Variants in VPS13B observed in about 807,000 individuals in gnomAD.
VPS13B encodes the protein vacuolar protein sorting 13 homolog B.
A neutral mutation model predicts 426.4 loss-of-function variants in VPS13B; 285 were observed. That is an observed-to-expected ratio of 0.67 (90% CI 0.61 to 0.74). The LOEUF (loss-of-function observed/expected upper bound fraction) is 0.74. Among genes scored for constraint, VPS13B ranks in the 30% least tolerant of loss-of-function variants. The probability of loss-of-function intolerance (pLI) is 0.00; values close to 1 mark genes in which losing one functional copy is unlikely to be tolerated. For synonymous variants in VPS13B, 1,676 were observed against 1,676.4 expected (o/e 1.00, Z 0.01); for missense variants, 4,537 against 4,782.6 (o/e 0.95, Z 1.51).
intron 15 of VPS13B, 61 bp downstream of exon 15, chr8:99,156,804 G>A (rs975903825): frequency 1.9e-6 from 3 of 1,555,848 alleles, no homozygotes; most frequent in Non-Finnish European, 2.6e-6. Flanking sequence ...CATCAGATAA[G>A]TTTCTTTTTT....
chr8:99,494,737 T>C (rs962687216), intron 25 of VPS13B, among the ~76,000 whole-genome samples: 5 of 152,114 alleles, frequency 3.3e-5, no homozygotes, highest in Non-Finnish European at 7.4e-5. Context: ...GAATAAATTT[T>C]CCAATTTATT....
intron 2 of VPS13B, among the ~76,000 whole-genome samples, chr8:99,019,866 T>C (rs1319629564): frequency 6.6e-6 from 1 of 152,234 alleles, no homozygotes; most frequent in East Asian, 1.9e-4. Context: ...CATGCCACAT[T>C]TTGTTCATTC....
chr8:99,285,970 A>T (rs7832780), intron 19 of VPS13B, among the ~76,000 whole-genome samples: 9 of 151,942 alleles, frequency 5.9e-5, no homozygotes, highest in African/African-American at 2.2e-4. Context: ...TTTACTGAGG[A>T]TATTTCTGTT....
chr8:99,413,543 T>C (rs1316668490), intron 21 of VPS13B, among the ~76,000 whole-genome samples: 1 of 152,218 alleles, frequency 6.6e-6, no homozygotes, highest in Non-Finnish European at 1.5e-5. Flanking sequence ...TTTTCGATCT[T>C]TTCTGCTTTC....
chr8:99,366,450 C>G (rs1812894623), intron 19 of VPS13B, among the ~76,000 whole-genome samples: 1 of 151,692 alleles, frequency 6.6e-6, no homozygotes, highest in Admixed American at 6.6e-5. Context: ...TTTTTCCACC[C>G]CTTCATTTTG....
intron 34 of VPS13B, among the ~76,000 whole-genome samples, chr8:99,659,781 T>C (rs1306380877): frequency 1.3e-5 from 2 of 152,218 alleles, no homozygotes; most frequent in African/African-American, 2.4e-5. Context: ...TTAAGATCTG[T>C]GTTTTCTCTA....
intron 43 of VPS13B, 112 bp from the exon 44 acceptor site, chr8:99,809,263 C>G (rs1813575061): frequency 7.2e-7 from 1 of 1,397,390 alleles, no homozygotes; most frequent in African/African-American, 1.4e-5. Flanking sequence ...AGAAAGAAAA[C>G]AGATGCAAAA....
At chr8:99,729,445 A>G (rs1439259910) in intron 39 of VPS13B, among the ~76,000 whole-genome samples, 1 of 152,206 alleles carries the variant, frequency 6.6e-6, no homozygotes, top group Non-Finnish European at 1.5e-5. Flanking sequence ...GTATCCTCTC[A>G]AAATGTAGGT....
intron 7 of VPS13B, chr8:99,120,370 AG>A (rs1369718480): frequency 6.6e-6 from 1 of 152,178 alleles, no homozygotes; most frequent in Non-Finnish European, 1.5e-5. Context: ...ATTTTTAAAA[AG>A]TAATTTTTTT....
Position 99,074,837 on chromosome 8 carries a change from A to G in VPS13B, c.292-21475A>G, listed in dbSNP as rs573495117. Among the ~76,000 whole-genome samples the G allele has an allele frequency of 1.9e-4, 29 of 152,026 alleles. No individual in the cohort carries two copies. In the East Asian group the frequency reaches 3.9e-3, roughly 20 times the overall value. ...TTTTTGGTAGAAACAGGGTTTCACC[A>G]TGTTGGTCAGGCTGGTCTCGAACTC... On this transcript the variant is annotated intron_variant, in intron 3 of 61. Coordinates refer to ENST00000357162, the MANE Select transcript of VPS13B (RefSeq NM_152564.5).
At chr8:99,175,914 G>GGT (rs1414977334) in intron 16 of VPS13B, among the ~76,000 whole-genome samples, 1 of 152,116 alleles carries the variant, frequency 6.6e-6, no homozygotes, top group African/African-American at 2.4e-5. Context: ...AGTACTACAT[G>GGT]GTGTACTACT....
At chr8:99,081,247 A>G (rs923914103) in intron 3 of VPS13B, among the ~76,000 whole-genome samples, 2 of 152,104 alleles carry the variant, frequency 1.3e-5, no homozygotes. Context: ...CATCTTTTGC[A>G]TGGCCACCTG....
chr8:99,045,483 T>G (rs1363890627), intron 3 of VPS13B, among the ~76,000 whole-genome samples: 5 of 152,180 alleles, frequency 3.3e-5, no homozygotes, highest in African/African-American at 4.8e-5. Flanking sequence ...TTGTGAAGAT[T>G]TTCTCCGACT....
rs1423290124 is a variant in VPS13B at position 99,717,257 on chromosome 8, G to A, written c.6541G>A (p.Gly2181Arg). The change falls in exon 37 of 62, where the codon GGA becomes AGA. Residue 2181 changes from glycine (G) to arginine (R), a missense_variant. Physicochemically the swap from Gly to Arg is moderately radical, Grantham distance 125. Coordinates refer to ENST00000357162, the MANE Select transcript of VPS13B (RefSeq NM_152564.5). Reference sequence around the variant, plus strand: ...CAAAGAAAGAAGCCGCATTCTGATAGGACCATGTTGTGCTACTGCCAATCT... The same window carrying A: ...CAAAGAAAGAAGCCGCATTCTGATAAGACCATGTTGTGCTACTGCCAATCT... ...SLKERSRILIGPCCATANLEA... is the reference protein window; with the variant it reads ...SLKERSRILIRPCCATANLEA... 1.2e-6 allele frequency: 2 copies of A among 1,613,910 alleles called. No homozygotes were observed. The highest frequency in any genetic ancestry group is 1.6e-4 in the Middle Eastern group (1 of 6,062).
intron 30 of VPS13B, among the ~76,000 whole-genome samples, chr8:99,536,020 G>A (rs1823197583): frequency 6.6e-6 from 1 of 151,216 alleles, no homozygotes; most frequent in African/African-American, 2.4e-5. Flanking sequence ...CACGATCTTG[G>A]CTCACTGCAA....
At position 99,575,760 on chromosome 8, in the gene VPS13B, T is replaced by A; in HGVS notation, c.5052T>A (p.Val1684=). The change falls in exon 32 of 62, where the codon GTT becomes GTA. Residue 1684 remains valine, a synonymous_variant. Transcript: ENST00000357162. ...CTGCTGTCATTTTCACCAAAGTAGT[T>A]TCTCCAGAAAATTTGCATACTGAGG... The part of the protein sequence containing the change: ...GAPAVIFTKV[V]SPENLHTEEI... The A allele has an allele frequency of 6.2e-7, 1 of 1,613,784 alleles. No individual in the cohort carries two copies. Among genetic ancestry groups the A allele is most frequent in the Non-Finnish European group, 8.5e-7 (1 of 1,179,856 alleles).
chr8:99,473,715 G>A (rs1819535367), intron 24 of VPS13B, among the ~76,000 whole-genome samples: 1 of 152,112 alleles, frequency 6.6e-6, no homozygotes, highest in Non-Finnish European at 1.5e-5. Flanking sequence ...AAATGAAGAA[G>A]TAAAACTGTT....
chr8:99,597,126 C>T (rs1827059835), intron 33 of VPS13B, among the ~76,000 whole-genome samples: 1 of 152,042 alleles, frequency 6.6e-6, no homozygotes, highest in Admixed American at 6.6e-5. Flanking sequence ...TGACGATGAA[C>T]TCCCTTTTCT....
At chr8:99,720,648 T>TA in intron 38 of VPS13B, 96 bp downstream of exon 38, 1 of 1,354,680 alleles carries the variant, frequency 7.4e-7, no homozygotes, top group Non-Finnish European at 1.0e-6. Context: ...GATGGCTTTT[T>TA]AAAGTGCGTT....
Sources: gnomAD v4.1 joint callset for allele counts (sites outside exome capture counted in the v4.1 genomes callset) on GRCh38, gnomAD v4.1.1 for gene constraint, MANE v1.5 for transcripts, NCBI Gene and HGNC (gene_info 2026-07-23, HGNC 2026-07-21) for gene names.